Variants in KCNN1 observed in about 807,000 individuals in gnomAD.
The protein encoded by KCNN1 is small conductance calcium-activated potassium channel protein 1.
KCNN1 carries 20 observed loss-of-function variants against 44.7 expected under a neutral mutation model. The ratio of observed to expected loss-of-function variants is 0.45; its 90% CI spans 0.32 to 0.65. The LOEUF (loss-of-function observed/expected upper bound fraction) is 0.65. Ranked by LOEUF, KCNN1 falls within the 30% of genes least tolerant of loss-of-function variation. The pLI is 0.05. For synonymous variants in KCNN1, 324 were observed against 341.7 expected, an observed-to-expected ratio of 0.95 and a Z score of 0.57; for missense variants, 632 against 785.3, an observed-to-expected ratio of 0.80 and a Z score of 2.33.
chr19:17,985,174 T>C, intron 4 of KCNN1, 138 bp from the exon 5 acceptor site: 1 of 768,034 alleles, frequency 1.3e-6, no homozygotes, highest in Non-Finnish European at 1.9e-6. Flanking sequence ...GCGCCTGTCC[T>C]GTACCCACAG....
At position 17,981,692 on chromosome 19, in the gene KCNN1, C is replaced by T. The variant is rs538351130; in HGVS notation, c.499-17C>T. ...CGTGTCTGACACCCATGGCTGGTTC[C>T]CTCCCGCCCTCCACAGCTGTTCATG... is the stretch of plus-strand genomic sequence containing the variant. On this transcript the variant is annotated splice_polypyrimidine_tract_variant and intron_variant, in intron 3 of 9. Transcript: ENST00000684775. 5.8e-6 allele frequency: 9 copies of T among 1,553,302 alleles called. No individual in the cohort carries two copies. The African/African-American group carries it at 1.2e-4, about 21-fold the overall frequency.
chr19:17,998,278 C>A lies in KCNN1; in HGVS notation c.1504C>A (p.Leu502Ile). Residue 502 changes from leucine to isoleucine, a missense_variant, in exon 10 of 10, where the codon CTC becomes ATC. Around this residue, in one of 3 missense-constraint regions of KCNN1, gnomAD observed 237 missense variants for 253.0 expected, o/e 0.94. Coordinates refer to ENST00000684775, the MANE Select transcript of KCNN1 (RefSeq NM_001386974.1). The surrounding 1 kb of genome is among the most constrained non-coding windows in gnomAD (Gnocchi z 5.4). ...LGASLQALPG[L>I]IAQAIRPPPP... ...TGCCTCTCTACAGGCCCTGCCTGGCCTCATCGCCCAAGCCATACGCCCACC... is the reference window on the plus strand; with the variant it reads ...TGCCTCTCTACAGGCCCTGCCTGGCATCATCGCCCAAGCCATACGCCCACC... 1 of 1,555,666 alleles carries A rather than the reference C, an allele frequency of 6.4e-7. No homozygotes were observed.
intron 1 of KCNN1, among the ~76,000 whole-genome samples, chr19:17,969,761 C>A (rs1017748468): frequency 1.3e-5 from 2 of 152,250 alleles, no homozygotes; most frequent in Admixed American, 1.3e-4. Context: ...ACCCGCTTCT[C>A]ATCCCTGTGC....
intron 9 of KCNN1, among the ~76,000 whole-genome samples, chr19:17,997,880 G>A (rs62119844): frequency 2.0e-5 from 3 of 151,674 alleles, no homozygotes; most frequent in East Asian, 1.9e-4. Flanking sequence ...CATAGGTGAC[G>A]GAGGGAGTCT....
Position 17,998,285 on chromosome 19 carries a change from C to T in KCNN1, c.1511C>T (p.Ala504Val). 6.4e-7 allele frequency: 1 copy of T among 1,553,134 alleles called. No homozygotes were observed. Among genetic ancestry groups the T allele is most frequent in the Middle Eastern group, 1.9e-4 (1 of 5,248 alleles). The change falls in exon 10 of 10, where the codon GCC (alanine) becomes GTC (valine). Residue 504 changes from alanine (A) to valine (V), a missense_variant. Transcript: ENST00000684775. This position sits in a 1 kb window ranked among gnomAD's most constrained non-coding sequence, Gnocchi z 5.4. ...CTACAGGCCCTGCCTGGCCTCATCG[C>T]CCAAGCCATACGCCCACCCCCGCCT... Reference protein sequence around the residue: ...ASLQALPGLIAQAIRPPPPPL... With the variant: ...ASLQALPGLIVQAIRPPPPPL...
At position 17,961,586 on chromosome 19, in the gene KCNN1, C is replaced by CTTTCTTTCTTTT. The variant is rs113710284; in HGVS notation, c.-82+6908_-82+6909insCTTTCTTTTTTT. Among the ~76,000 whole-genome samples, 8 of 130,054 alleles carry CTTTCTTTCTTTT rather than the reference C, an allele frequency of 6.2e-5. 1 individual carries two copies. Among genetic ancestry groups the CTTTCTTTCTTTT allele is most frequent in the African/African-American group, 2.4e-4 (8 of 32,746 alleles). 85.3% of individuals were successfully genotyped at this position (130,054 alleles called of 152,430 possible). A position where few individuals can be genotyped will look rare whatever the true frequency, so the allele number is the denominator to read the frequency against. On this transcript the variant is annotated intron_variant, in intron 2 of 10. Transcript: ENST00000222249. Reference sequence around the variant, plus strand: ...ATTTTCTTTCTTTCTTTCTTTCTTTCTTTTTTTTTTTTTGAGACGGAGTCT... The same window carrying CTTTCTTTCTTTT: ...ATTTTCTTTCTTTCTTTCTTTCTTTCTTTCTTTCTTTTTTTTTTTTTTTTTGAGACGGAGTCT...
Position 17,999,986 on chromosome 19 carries a change from A to T in KCNN1, c.*1580A>T. 1 of 455,924 alleles carries T rather than the reference A, an allele frequency of 2.2e-6. No individual in the cohort carries two copies. The highest frequency in any genetic ancestry group is 4.4e-6 in the Non-Finnish European group (1 of 226,756). 28.2% of individuals were successfully genotyped at this position (455,924 alleles called of 1,614,324 possible). The stretch of plus-strand genomic sequence containing the variant: ...GGGGCCTTGGTTGTTTCATCTGTAA[A>T]ATGGGGTGACAGTCTATTTAACCAG... On this transcript the variant is annotated 3_prime_UTR_variant, in exon 10 of 10. Coordinates refer to ENST00000684775, the MANE Select transcript of KCNN1 (RefSeq NM_001386974.1).
At position 17,998,349 on chromosome 19, in the gene KCNN1, G is replaced by T; in HGVS notation, c.1575G>T (p.Gln525His). Residue 525 changes from glutamine (Q) to histidine (H), a missense_variant, in exon 10 of 10, where the codon CAG becomes CAT. Coordinates refer to ENST00000684775, the MANE Select transcript of KCNN1 (RefSeq NM_001386974.1). The surrounding 1 kb of genome is among the most constrained non-coding windows in gnomAD (Gnocchi z 5.4). Reference protein sequence around the residue: ...PPRPGPGPQDQAARSSPCRWT... With the variant: ...PPRPGPGPQDHAARSSPCRWT... ...GGCCCGGCCCCGGCCCCCAAGACCA[G>T]GCAGCCCGGAGCTCCCCCTGCCGGT... 1 of 1,517,538 alleles carries T rather than the reference G, an allele frequency of 6.6e-7. No individual in the cohort carries two copies. 94.0% of individuals were successfully genotyped at this position (1,517,538 alleles called of 1,614,324 possible). A position where few individuals can be genotyped will look rare whatever the true frequency, so the allele number is the denominator to read the frequency against.
chr19:17,985,043 C>T (rs1359040377), intron 4 of KCNN1, among the ~76,000 whole-genome samples: 3 of 151,990 alleles, frequency 2.0e-5, no homozygotes, highest in Non-Finnish European at 4.4e-5. Context: ...GTGTGTCTGT[C>T]GTTGGGAGGG....
chr19:17,957,048 C>CA (rs1033352603), intron 2 of KCNN1, among the ~76,000 whole-genome samples: 36 of 114,322 alleles, frequency 3.1e-4, no homozygotes, highest in Non-Finnish European at 1.0e-4. Flanking sequence ...GAGACTGTCT[C>CA]AAAAAACAAA....
chr19:17,955,553 C>T (rs1405989715), intron 2 of KCNN1, among the ~76,000 whole-genome samples: 1 of 134,154 alleles, frequency 7.5e-6, no homozygotes, highest in Non-Finnish European at 1.6e-5. Context: ...AAGAGTGAAA[C>T]TCCATCTCCA....
chr19:17,976,036 A>T (rs2032193850), intron 3 of KCNN1, among the ~76,000 whole-genome samples: 2 of 152,264 alleles, frequency 1.3e-5, no homozygotes, highest in East Asian at 1.9e-4. Context: ...AGCACTGTTC[A>T]AAGTAGCCAA....
At chr19:17,973,086 T>C (rs1027988354) in intron 1 of KCNN1, among the ~76,000 whole-genome samples, 5 of 152,166 alleles carry the variant, frequency 3.3e-5, no homozygotes, top group Non-Finnish European at 7.3e-5. Flanking sequence ...GGGAACCAGA[T>C]ACAGAGGGCC....
Position 17,998,025 on chromosome 19 carries a change from G to T in KCNN1, c.1378-127G>T, listed in dbSNP as rs1034886325. 82 of 1,051,152 alleles carry T rather than the reference G, an allele frequency of 7.8e-5. No homozygotes were observed. The Admixed American group carries it at 8.3e-4, about 11-fold the overall frequency. The allele number at this position is 1,051,152 out of a possible 1,614,324, so 65.1% of individuals were successfully genotyped here. A position where few individuals can be genotyped will look rare whatever the true frequency, so the allele number is the denominator to read the frequency against. On this transcript the variant is annotated intron_variant, in intron 9 of 9. Coordinates refer to ENST00000684775, the MANE Select transcript of KCNN1 (RefSeq NM_001386974.1). This position sits in a 1 kb window ranked among gnomAD's most constrained non-coding sequence, Gnocchi z 5.4. ...ATCCTCCCAGCCACCCCTCACACGG[G>T]CCCCATTAGTGGCTGGCACCCACCT...
In KCNN1 at chr19:17,993,168, G is replaced by A; in HGVS notation, c.1307+106G>A. ...ATGCCAACCCCAGCCTCAGAGGCGG[G>A]CAGGGTTCACATCTGCCCCATGGAT... On this transcript the variant is annotated intron_variant, in intron 8 of 9. Transcript: ENST00000684775. This position sits in a 1 kb window ranked among gnomAD's most constrained non-coding sequence, Gnocchi z 4.5. 2 of 1,381,804 alleles carry A rather than the reference G, an allele frequency of 1.4e-6. No homozygotes were observed. The highest frequency in any genetic ancestry group is 1.9e-5 in the Admixed American group (1 of 53,932). 85.6% of individuals were successfully genotyped at this position (1,381,804 alleles called of 1,614,324 possible).
intron 5 of KCNN1, among the ~76,000 whole-genome samples, chr19:17,986,664 ATTTTTATG>A (rs2032608496): frequency 6.6e-6 from 1 of 152,018 alleles, no homozygotes; most frequent in East Asian, 1.9e-4. Flanking sequence ...TCCATGTTTT[ATTTTTATG>A]TTTTTATAAA....
Position 17,973,993 on chromosome 19 carries a change from A to G in KCNN1, c.105A>G (p.Gln35=), listed in dbSNP as rs2145927004. The G allele has an allele frequency of 6.3e-7, 1 of 1,581,558 alleles. No individual in the cohort carries two copies. Among genetic ancestry groups the G allele is most frequent in the Admixed American group, 1.8e-5 (1 of 54,070 alleles). ...ACCCTGAGGCCGGCCACCCCCCACAACCCCCGCACAGCCCGGGCCTCCAGG... is the reference window on the plus strand; with the variant it reads ...ACCCTGAGGCCGGCCACCCCCCACAGCCCCCGCACAGCCCGGGCCTCCAGG... ...PPDPEAGHPP[Q]PPHSPGLQVV... The change falls in exon 2 of 10, where the codon CAA becomes CAG. Residue 35 remains glutamine, a synonymous_variant. Transcript: ENST00000684775.
intron 3 of KCNN1, among the ~76,000 whole-genome samples, chr19:17,976,907 G>A (rs981914247): frequency 3.6e-4 from 55 of 151,854 alleles, no homozygotes; most frequent in African/African-American, 1.3e-3. Context: ...GTACAGATGG[G>A]GTTTCACCAT....
At chr19:17,989,880 C>T in intron 7 of KCNN1, 37 bp downstream of exon 7, 9 of 1,610,424 alleles carry the variant, frequency 5.6e-6, no homozygotes, top group Non-Finnish European at 7.6e-6. Context: ...GTTTCTGTGT[C>T]CACATGGCGC....
Sources: allele counts gnomAD v4.1 joint callset (sites outside exome capture counted in the v4.1 genomes callset), GRCh38; gene constraint gnomAD v4.1.1; regional missense constraint gnomAD v4.1.1; non-coding constraint Gnocchi (gnomAD v3.1); transcripts MANE v1.5; gene names NCBI Gene and HGNC (gene_info 2026-07-23, HGNC 2026-07-21).